The following TAFA5 variants were observed in gnomAD, a reference collection of about 807,000 sequenced individuals.
TAFA5 encodes the protein TAFA chemokine like family member 5, also known as chemokine-like protein TAFA-5.
TAFA5 carries 6 observed loss-of-function variants against 15.3 expected under a neutral mutation model. That is an observed-to-expected ratio of 0.39 (90% CI 0.21 to 0.77). The LOEUF is 0.77. TAFA5 is among the 30% of genes least tolerant of loss of function. The pLI, the probability that TAFA5 is intolerant of heterozygous loss-of-function variation, is 0.41. For missense variants in TAFA5, 161 were observed against 193.1 expected (o/e 0.83, Z 0.98); for synonymous variants, 103 against 80.7 (o/e 1.28, Z -1.48).
intron 2 of TAFA5, among the ~76,000 whole-genome samples, chr22:48,647,176 G>A (rs1052785795): frequency 6.6e-6 from 1 of 152,176 alleles, no homozygotes; most frequent in Non-Finnish European, 1.5e-5. Flanking sequence ...GGTCTGGCCA[G>A]TTCAAGACAC....
At position 48,713,311 on chromosome 22, in the gene TAFA5, C is replaced by T. The variant is rs151214894; in HGVS notation, c.390+5467C>T. Among the ~76,000 whole-genome samples the T allele has an allele frequency of 4.1e-3, 627 of 152,320 alleles. 4 individuals are homozygous for T. Among genetic ancestry groups the T allele is most frequent in the African/African-American group, 0.014 (572 of 41,564 alleles). Reference sequence around the variant, plus strand: ...AGCTGCCGCTGATCTCGTGGGGGCTCGGATGTCTAAATTCCACCCCGGCCA... The same window carrying T: ...AGCTGCCGCTGATCTCGTGGGGGCTTGGATGTCTAAATTCCACCCCGGCCA... On this transcript the variant is annotated intron_variant, in intron 3 of 3. Transcript: ENST00000402357.
At chr22:48,534,593 G>A (rs73171501) in intron 1 of TAFA5, among the ~76,000 whole-genome samples, 19,532 of 152,184 alleles carry the variant, frequency 0.13, 1,623 homozygotes, top group South Asian at 0.24. Flanking sequence ...GCCTGTGCCC[G>A]GAGCCAAGCA....
intron 1 of TAFA5, among the ~76,000 whole-genome samples, chr22:48,519,390 T>C (rs1390254536): frequency 2.6e-5 from 4 of 152,236 alleles, no homozygotes; most frequent in Admixed American, 1.3e-4. Context: ...GGGCCACGCT[T>C]CTCAGACTCA....
rs1601849042 is a variant in TAFA5 at position 48,527,494 on chromosome 22, G to C, written c.112+37790G>C. Among the ~76,000 whole-genome samples the C allele has an allele frequency of 3.3e-5, 5 of 152,316 alleles. 1 individual carries two copies. The highest frequency in any genetic ancestry group is 3.3e-4 in the Admixed American group (5 of 15,302). ...CTGTTGCAGCTGCCCAGAGACAGCC[G>C]GCTACTCCCCGTGCACGGCCTCCAG... On this transcript the variant is annotated intron_variant, in intron 1 of 3. Transcript: ENST00000402357.
Position 48,702,958 on chromosome 22 carries a change from C to T in TAFA5, c.263-4759C>T, listed in dbSNP as rs141109587. On this transcript the variant is annotated intron_variant, in intron 2 of 3. Transcript: ENST00000402357. ...CCCTCGGGAGGGCCAGGCCCAGGGA[C>T]GGGGCAGGCCTGCTGCCTGCTTGTC... Among the ~76,000 whole-genome samples, 61 of 152,360 alleles carry T rather than the reference C, an allele frequency of 4.0e-4. No homozygotes were observed. In the East Asian group the frequency reaches 9.5e-3, roughly 24 times the overall value.
At position 48,661,744 on chromosome 22, in the gene TAFA5, C is replaced by T. The variant is rs544129232; in HGVS notation, c.262+14998C>T. Among the ~76,000 whole-genome samples, 9 of 152,330 alleles carry T rather than the reference C, an allele frequency of 5.9e-5. No individual in the cohort carries two copies. In the East Asian group the frequency reaches 1.4e-3, roughly 23 times the overall value. On this transcript the variant is annotated intron_variant, in intron 2 of 3. Transcript: ENST00000402357. Reference sequence around the variant, plus strand: ...TTGTGAGTAATGCTCTGGGAACCTCCGGGCTCTGGAGACACAGTGGGATGG... The same window carrying T: ...TTGTGAGTAATGCTCTGGGAACCTCTGGGCTCTGGAGACACAGTGGGATGG...
intron 1 of TAFA5, among the ~76,000 whole-genome samples, chr22:48,501,183 G>T (rs1601836199): frequency 6.6e-6 from 1 of 152,310 alleles, no homozygotes; most frequent in Admixed American, 6.5e-5. Context: ...CCACAAGACT[G>T]GCTCGTGCTC....
chr22:48,670,035 A>C (rs1465320349), intron 2 of TAFA5, among the ~76,000 whole-genome samples: 1 of 152,128 alleles, frequency 6.6e-6, no homozygotes, highest in Non-Finnish European at 1.5e-5. Flanking sequence ...CAGCCATCCA[A>C]GCCTGCGAAT....
chr22:48,687,848 T>C (rs13053354), intron 2 of TAFA5, among the ~76,000 whole-genome samples: 64,132 of 151,986 alleles, frequency 0.42, 13,807 homozygotes, highest in South Asian at 0.5. Flanking sequence ...TGAGTGCGGC[T>C]CCACCAGCAC....
intron 1 of TAFA5, among the ~76,000 whole-genome samples, chr22:48,604,631 G>T (rs1365549647): frequency 1.3e-5 from 2 of 152,200 alleles, no homozygotes; most frequent in African/African-American, 4.8e-5. Flanking sequence ...TTTCTCCCAT[G>T]GAAGGTGAGC....
At chr22:48,716,599 T>C (rs9628517) in intron 3 of TAFA5, among the ~76,000 whole-genome samples, 9,463 of 152,236 alleles carry the variant, frequency 0.062, 353 homozygotes, top group Admixed American at 0.095. Context: ...GACAGGTTGA[T>C]AGGTGCAGCA....
At chr22:48,675,547 G>A (rs1291501108) in intron 2 of TAFA5, among the ~76,000 whole-genome samples, 1 of 152,230 alleles carries the variant, frequency 6.6e-6, no homozygotes, top group Non-Finnish European at 1.5e-5. Flanking sequence ...CCAGACAAGT[G>A]GACCCCCCAC....
intron 2 of TAFA5, among the ~76,000 whole-genome samples, chr22:48,697,908 C>T (rs149203438): frequency 2.6e-5 from 3 of 115,552 alleles, no homozygotes; most frequent in African/African-American, 1.1e-4. Flanking sequence ...GTGGTGATGA[C>T]AATATGATGA....
intron 1 of TAFA5, among the ~76,000 whole-genome samples, chr22:48,575,281 G>A (rs1338768276): frequency 4.0e-5 from 6 of 151,802 alleles, no homozygotes; most frequent in Non-Finnish European, 5.9e-5. Context: ...GGCTGGGCCG[G>A]CCCCACCTGA....
intron 1 of TAFA5, among the ~76,000 whole-genome samples, chr22:48,514,308 G>A (rs937618210): frequency 2.6e-5 from 4 of 152,222 alleles, no homozygotes; most frequent in African/African-American, 4.8e-5. Context: ...GGCATCTCAC[G>A]TTGGTGAGAA....
intron 1 of TAFA5, among the ~76,000 whole-genome samples, chr22:48,527,024 A>G (rs1307366073): frequency 6.6e-6 from 1 of 152,186 alleles, no homozygotes; most frequent in East Asian, 1.9e-4. Context: ...CTATAACTTT[A>G]ATTTTTCCAT....
At chr22:48,544,648 G>T (rs1181205845) in intron 1 of TAFA5, 17 of 468,358 alleles carry the variant, frequency 3.6e-5, no homozygotes, top group Non-Finnish European at 7.5e-5. Flanking sequence ...CCTTCTTAAG[G>T]CCTGATGTGC....
At chr22:48,531,150 A>G (rs980553938) in intron 1 of TAFA5, among the ~76,000 whole-genome samples, 1 of 151,952 alleles carries the variant, frequency 6.6e-6, no homozygotes, top group Non-Finnish European at 1.5e-5. Flanking sequence ...GTGGGTCTGC[A>G]TGGGGAACCT....
chr22:48,652,917 A>C (rs1927106910), intron 2 of TAFA5, among the ~76,000 whole-genome samples: 1 of 152,128 alleles, frequency 6.6e-6, no homozygotes, highest in African/African-American at 2.4e-5. Context: ...GTGTACAGCC[A>C]CATCCTCAGC....
Sources: gnomAD v4.1 joint callset for allele counts (sites outside exome capture counted in the v4.1 genomes callset) on GRCh38, gnomAD v4.1.1 for gene constraint, MANE v1.5 for transcripts, NCBI Gene and HGNC (gene_info 2026-07-23, HGNC 2026-07-21) for gene names.